LRP1B: variants seen among roughly 807,000 people sequenced by gnomAD.
LRP1B encodes the protein low-density lipoprotein receptor-related protein 1B.
LRP1B carries 217 observed loss-of-function variants against 556.6 expected under a neutral mutation model. That is an observed-to-expected ratio of 0.39 (90% confidence interval 0.35 to 0.44). LRP1B has a LOEUF of 0.44. LRP1B is among the 20% of genes least tolerant of loss of function. The pLI, the probability that LRP1B is intolerant of heterozygous loss-of-function variation, is 1.00. For missense variants in LRP1B, 5,053 were observed against 5,620.8 expected, an observed-to-expected ratio of 0.90 and a Z score of 3.23; for synonymous variants, 2,047 against 1,865.8, an observed-to-expected ratio of 1.10 and a Z score of -2.50.
intron 41 of LRP1B, among the ~76,000 whole-genome samples, chr2:140,620,823 T>C (rs374197979): frequency 6.6e-6 from 1 of 152,276 alleles, no homozygotes; most frequent in South Asian, 2.1e-4. Context: ...GGTTATGATA[T>C]TGTAAACCAG....
At chr2:140,668,845 T>C (rs1168302080) in intron 41 of LRP1B, among the ~76,000 whole-genome samples, 1 of 151,816 alleles carries the variant, frequency 6.6e-6, no homozygotes, top group Non-Finnish European at 1.5e-5. Context: ...AAATAAAAAA[T>C]ATGAATTTTC....
At chr2:141,942,960 A>G (rs1243049386) in intron 1 of LRP1B, among the ~76,000 whole-genome samples, 2 of 152,194 alleles carry the variant, frequency 1.3e-5, no homozygotes, top group Non-Finnish European at 2.9e-5. Flanking sequence ...AACCAAGAAT[A>G]CATTATTCGT....
At chr2:142,019,434 C>T (rs774843187) in intron 1 of LRP1B, among the ~76,000 whole-genome samples, 17 of 152,232 alleles carry the variant, frequency 1.1e-4, no homozygotes, top group Non-Finnish European at 1.6e-4. Context: ...CCTTATCTGC[C>T]GTTTCTGCTC....
At chr2:140,816,819 A>C (rs1482210706) in intron 31 of LRP1B, among the ~76,000 whole-genome samples, 1 of 152,140 alleles carries the variant, frequency 6.6e-6, no homozygotes, top group Non-Finnish European at 1.5e-5. Flanking sequence ...AGTATAATAC[A>C]TATCTCTGAA....
At chr2:141,737,566 T>A (rs1693530448) in intron 2 of LRP1B, among the ~76,000 whole-genome samples, 1 of 152,194 alleles carries the variant, frequency 6.6e-6, no homozygotes, top group South Asian at 2.1e-4. Context: ...AAAACTGCAT[T>A]GTAATTGCAT....
At chr2:141,068,803 A>G (rs187532880) in intron 7 of LRP1B, among the ~76,000 whole-genome samples, 249 of 152,018 alleles carry the variant, frequency 1.6e-3, no homozygotes, top group Admixed American at 4.5e-3. Context: ...TGCCTAAATA[A>G]TTTCTTTTTC....
chr2:140,320,107 C>T (rs1680020197), intron 82 of LRP1B, among the ~76,000 whole-genome samples: 1 of 152,152 alleles, frequency 6.6e-6, no homozygotes, highest in Non-Finnish European at 1.5e-5. Context: ...ATCCAATCTG[C>T]CTTTGCAGAC....
intron 2 of LRP1B, among the ~76,000 whole-genome samples, chr2:141,497,869 G>C (rs1029811856): frequency 6.6e-6 from 1 of 151,472 alleles, no homozygotes; most frequent in Admixed American, 6.6e-5. Context: ...GAAAATAAGA[G>C]AATAAAAAAA....
At chr2:140,843,647 A>G (rs1692189122) in intron 29 of LRP1B, among the ~76,000 whole-genome samples, 1 of 152,064 alleles carries the variant, frequency 6.6e-6, no homozygotes, top group African/African-American at 2.4e-5. Flanking sequence ...CCCCATCTCC[A>G]CTTGCCTGAA....
At chr2:140,297,367 A>G (rs1683650868) in intron 84 of LRP1B, among the ~76,000 whole-genome samples, 1 of 152,108 alleles carries the variant, frequency 6.6e-6, no homozygotes, top group African/African-American at 2.4e-5. Context: ...TGGATTAGGG[A>G]ACTACATAGA....
chr2:140,856,961 C>A (rs1692638526), intron 27 of LRP1B, among the ~76,000 whole-genome samples: 1 of 152,080 alleles, frequency 6.6e-6, no homozygotes, highest in Non-Finnish European at 1.5e-5. Context: ...TTAAATAATG[C>A]ATAACTACAA....
At chr2:141,288,285 T>TAA (rs34928729) in intron 3 of LRP1B, among the ~76,000 whole-genome samples, 43 of 146,506 alleles carry the variant, frequency 2.9e-4, no homozygotes, top group Admixed American at 1.0e-3. Flanking sequence ...TTATGGAAAC[T>TAA]AAAAAAAAAA....
chr2:140,414,837 G>C (rs938432217), intron 66 of LRP1B, among the ~76,000 whole-genome samples: 2 of 152,032 alleles, frequency 1.3e-5, no homozygotes, highest in African/African-American at 2.4e-5. Context: ...AGGGAACGAG[G>C]GAAGACAACC....
rs528213764 is a variant in LRP1B at position 140,557,423 on chromosome 2, A to G, written c.7195-15452T>C. ...CAGAAATTCAATACAAAAATTTAAC[A>G]GTAATACAAAAGTTAAAAAATGTGT... is the stretch of plus-strand genomic sequence containing the variant. On this transcript the variant is annotated intron_variant, in intron 43 of 90. Coordinates refer to ENST00000389484, the MANE Select transcript of LRP1B (RefSeq NM_018557.3). Among the ~76,000 whole-genome samples the G allele has an allele frequency of 1.5e-4, 23 of 152,310 alleles. 1 individual carries two copies. In the South Asian group the frequency reaches 4.8e-3, roughly 32 times the overall value.
At chr2:140,908,193 C>G (rs999677297) in intron 21 of LRP1B, 116 bp from the exon 22 acceptor site, 5 of 732,956 alleles carry the variant, frequency 6.8e-6, no homozygotes, top group Non-Finnish European at 1.1e-5. Context: ...CAAAAGAAAA[C>G]AAAATCTATT....
chr2:141,953,517 A>G (rs1416639597), intron 1 of LRP1B, among the ~76,000 whole-genome samples: 2 of 152,080 alleles, frequency 1.3e-5, no homozygotes, highest in Admixed American at 1.3e-4. Context: ...ATCAGAGTCT[A>G]AAGTTCTATA....
At chr2:141,518,721 G>A (rs1021459038) in intron 2 of LRP1B, among the ~76,000 whole-genome samples, 15 of 152,054 alleles carry the variant, frequency 9.9e-5, no homozygotes, top group Admixed American at 9.2e-4. Flanking sequence ...CGCCGAGGTG[G>A]GCGGATCACC....
At chr2:140,759,033 C>G (rs1688831904) in intron 35 of LRP1B, among the ~76,000 whole-genome samples, 1 of 151,986 alleles carries the variant, frequency 6.6e-6, no homozygotes, top group Non-Finnish European at 1.5e-5. Context: ...AATATAATCC[C>G]TCTTGTGAAT....
chr2:141,865,773 T>G (rs546307499), intron 1 of LRP1B, among the ~76,000 whole-genome samples: 2 of 152,294 alleles, frequency 1.3e-5, no homozygotes, highest in South Asian at 4.1e-4. Flanking sequence ...TTTTAATTTC[T>G]CAGATGATGA....
Sources: allele counts gnomAD v4.1 joint callset (sites outside exome capture counted in the v4.1 genomes callset), GRCh38; gene constraint gnomAD v4.1.1; transcripts MANE v1.5; gene names NCBI Gene and HGNC (gene_info 2026-07-23, HGNC 2026-07-21).